The following METTL25B variants were observed in gnomAD, a reference collection of about 807,000 sequenced individuals.
METTL25B encodes methyltransferase like 25B.
In METTL25B, 38 loss-of-function variants were observed where a neutral mutation model predicts 48.4. The observed-to-expected ratio is 0.78, with a 90% confidence interval of 0.61 to 1.03. The LOEUF (loss-of-function observed/expected upper bound fraction) is 1.03. METTL25B is among the 50% of genes least tolerant of loss of function. The pLI is 0.00. For synonymous variants in METTL25B, 230 were observed against 254.5 expected (o/e 0.90, Z 0.92); for missense variants, 537 against 603.7 (o/e 0.89, Z 1.16).
Position 156,729,038 on chromosome 1 carries a change from C to T in METTL25B, c.-67C>T, listed in dbSNP as rs1444251901. ...GAGCCCCGTCCGGGTCCTGGACCCGCGTAGTACTGACCCTGGATCCCTGTT... is the reference window on the plus strand; with the variant it reads ...GAGCCCCGTCCGGGTCCTGGACCCGTGTAGTACTGACCCTGGATCCCTGTT... On this transcript the variant is annotated 5_prime_UTR_variant, in exon 1 of 8. Transcript: ENST00000368216. 9 of 903,446 alleles carry T rather than the reference C, an allele frequency of 1.0e-5. No homozygotes were observed. In the Admixed American group the frequency reaches 1.1e-4, roughly 11 times the overall value. The allele number at this position is 903,446 out of a possible 1,614,324, so 56.0% of individuals were successfully genotyped here. A position where few individuals can be genotyped will look rare whatever the true frequency, so the allele number is the denominator to read the frequency against.
At chr1:156,733,078 TGA>T in intron 4 of METTL25B, 31 bp downstream of exon 4, 2 of 1,605,162 alleles carry the variant, frequency 1.2e-6, no homozygotes, top group Non-Finnish European at 8.5e-7. Context: ...ACTGTTTTTT[TGA>T]GTCATGGGGA....
chr1:156,731,454 G>A (rs1649281367), intron 1 of METTL25B, among the ~76,000 whole-genome samples: 1 of 152,178 alleles, frequency 6.6e-6, no homozygotes, highest in African/African-American at 2.4e-5. Flanking sequence ...TGTAAACTCT[G>A]CAGGAGCCAG....
intron 7 of METTL25B, 47 bp from the exon 8 acceptor site, chr1:156,736,585 G>A (rs1401024520): frequency 4.3e-6 from 7 of 1,611,054 alleles, no homozygotes; most frequent in Non-Finnish European, 5.9e-6. Flanking sequence ...AAGAGGCTGA[G>A]TGAGTTTGGT....
At position 156,736,797 on chromosome 1, in the gene METTL25B, C is replaced by G; in HGVS notation, c.*44C>G. 1 of 1,584,960 alleles carries G rather than the reference C, an allele frequency of 6.3e-7. No homozygotes were observed. The stretch of plus-strand genomic sequence containing the variant: ...CTCAGACCCCATCATCTGAAAGTGC[C>G]CAGAGAGCACAGTGGCAGAGTACAT... On this transcript the variant is annotated 3_prime_UTR_variant, in exon 8 of 8. Transcript: ENST00000368216.
At chr1:156,732,898 TC>T (rs1430940233) in intron 3 of METTL25B, 86 bp from the exon 4 acceptor site, 1 of 1,147,360 alleles carries the variant, frequency 8.7e-7, no homozygotes, top group Non-Finnish European at 1.3e-6. Flanking sequence ...TTCTCTGTCA[TC>T]TTTGTCTCTT....
At chr1:156,732,899 C>A in intron 3 of METTL25B, 86 bp from the exon 4 acceptor site, 1 of 1,159,038 alleles carries the variant, frequency 8.6e-7, no homozygotes, top group South Asian at 1.3e-5. Context: ...TCTCTGTCAT[C>A]TTTGTCTCTT....
chr1:156,731,948 G>A, intron 1 of METTL25B, 43 bp from the exon 2 acceptor site: 1 of 1,611,970 alleles, frequency 6.2e-7, no homozygotes, highest in Non-Finnish European at 8.5e-7. Flanking sequence ...GAAAGAATGG[G>A]AGTGGTAGTA....
chr1:156,736,614 T>A lies in METTL25B; in HGVS notation c.1307-18T>A, dbSNP rs1649829606. Reference sequence around the variant, plus strand: ...GTTTGGTTCATTCTTCCCCTTATGATTAAGCCCTTTCTCCCAGGTTTCCAT... The same window carrying A: ...GTTTGGTTCATTCTTCCCCTTATGAATAAGCCCTTTCTCCCAGGTTTCCAT... On this transcript the variant is annotated intron_variant, in intron 7 of 7. Transcript: ENST00000368216. 6.2e-7 allele frequency: 1 copy of A among 1,613,556 alleles called. No homozygotes were observed. The highest frequency in any genetic ancestry group is 8.5e-7 in the Non-Finnish European group (1 of 1,179,838).
At chr1:156,735,631 C>A in intron 6 of METTL25B, 94 bp from the exon 7 acceptor site, 1 of 829,714 alleles carries the variant, frequency 1.2e-6, no homozygotes, top group Non-Finnish European at 1.6e-6. Context: ...GAAAATAAAG[C>A]AAAGTTGGAA....
At chr1:156,733,285 G>A (rs6679988) in intron 4 of METTL25B, 92 bp from the exon 5 acceptor site, 1 of 1,491,798 alleles carries the variant, frequency 6.7e-7, no homozygotes, top group Non-Finnish European at 9.1e-7. Context: ...CTTCTGTGGG[G>A]CCTGGGACCC....
chr1:156,734,276 G>A lies in METTL25B; in HGVS notation c.904G>A (p.Val302Met), dbSNP rs767199606. 6.2e-6 allele frequency: 10 copies of A among 1,614,076 alleles called. No homozygotes were observed. Among genetic ancestry groups the A allele is most frequent in the Non-Finnish European group, 8.5e-6 (10 of 1,180,032 alleles). The change falls in exon 6 of 8, where the codon GTG (valine) becomes ATG (methionine). Residue 302 changes from valine (V) to methionine (M), a missense_variant. Val to Met is a conservative substitution (Grantham distance 21). Coordinates refer to ENST00000368216, the MANE Select transcript of METTL25B (RefSeq NM_015997.4). ...DPGGYPLSQW[V>M]AGLPGYELPY... ...TGGCGGCTACCCACTGAGTCAGTGG[G>A]TGGCTGGGCTGCCTGGCTATGAACT...
chr1:156,733,160 T>G (rs1023276286), intron 4 of METTL25B, 113 bp downstream of exon 4: 1 of 1,203,982 alleles, frequency 8.3e-7, no homozygotes, highest in Non-Finnish European at 1.2e-6. Context: ...AGCGTGGAAT[T>G]TTTTTTTTCT....
chr1:156,736,925 T>A lies in METTL25B; in HGVS notation c.*172T>A. 1 of 626,742 alleles carries A rather than the reference T, an allele frequency of 1.6e-6. No homozygotes were observed. Among genetic ancestry groups the A allele is most frequent in the Non-Finnish European group, 2.6e-6 (1 of 379,784 alleles). 38.8% of individuals were successfully genotyped at this position (626,742 alleles called of 1,614,324 possible). A position where few individuals can be genotyped will look rare whatever the true frequency, so the allele number is the denominator to read the frequency against. The stretch of plus-strand genomic sequence containing the variant: ...GATTATGTAATACATTGTAAAGTTT[T>A]AATTAATTAAAAATTGGATATCTGT... On this transcript the variant is annotated 3_prime_UTR_variant, in exon 8 of 8. Coordinates refer to ENST00000368216, the MANE Select transcript of METTL25B (RefSeq NM_015997.4).
In METTL25B at chr1:156,728,834, T is replaced by A; in HGVS notation, c.-271T>A. 1 of 791,600 alleles carries A rather than the reference T, an allele frequency of 1.3e-6. No homozygotes were observed. Among genetic ancestry groups the A allele is most frequent in the Non-Finnish European group, 1.7e-6 (1 of 590,082 alleles). The allele number at this position is 791,600 out of a possible 1,614,324, so 49.0% of individuals were successfully genotyped here. A position where few individuals can be genotyped will look rare whatever the true frequency, so the allele number is the denominator to read the frequency against. On this transcript the variant is annotated 5_prime_UTR_variant, in exon 1 of 8. The change creates a premature stop within an existing upstream ORF in the 5' untranslated region. Transcript: ENST00000368216. ...AGCTGAGCTCAGCGGCACGCTTTTG[T>A]GGCGTCACTGCACTGTTACCCCGCC...
Position 156,735,872 on chromosome 1 carries a change from T to A in METTL25B, c.1269T>A (p.Leu423=), listed in dbSNP as rs1364624073. ...ALLLAPLVET[L]ILLDRLLYLQ... ...TGCTTGCCCCACTGGTGGAGACGCT[T>A]ATTCTACTGGACCGGCTGCTGTACC... Residue 423 remains leucine, a synonymous_variant, in exon 7 of 8, where the codon CTT becomes CTA. Transcript: ENST00000368216. The A allele has an allele frequency of 3.1e-6, 5 of 1,612,728 alleles. No individual in the cohort carries two copies. In the African/African-American group the frequency reaches 6.7e-5, roughly 22 times the overall value.
At chr1:156,733,757 G>A in intron 5 of METTL25B, 1 of 642,300 alleles carries the variant, frequency 1.6e-6, no homozygotes, top group Non-Finnish European at 2.6e-6. Flanking sequence ...CCTGTGAAGT[G>A]GCCAGTCAGG....
Position 156,728,639 on chromosome 1 carries a change from C to A in METTL25B, c.-466C>A. On this transcript the variant is annotated 5_prime_UTR_variant, in exon 1 of 8. Coordinates refer to ENST00000368216, the MANE Select transcript of METTL25B (RefSeq NM_015997.4). ...GGGGCGGCGTGGGTGGGGGCGGGGG[C>A]GGGATGCGCTCCCCGGCCCCTCTAG... The A allele has an allele frequency of 1.0e-6, 1 of 972,016 alleles. No homozygotes were observed. Among genetic ancestry groups the A allele is most frequent in the Non-Finnish European group, 1.2e-6 (1 of 817,552 alleles). 60.2% of individuals were successfully genotyped at this position (972,016 alleles called of 1,614,324 possible).
At chr1:156,729,391 CATAAATA>C in intron 1 of METTL25B, 176 bp downstream of exon 1, 1 of 448,798 alleles carries the variant, frequency 2.2e-6, no homozygotes, top group East Asian at 4.2e-5. Flanking sequence ...TTTCAGCTGA[CATAAATA>C]ATATTTCTTT....
At chr1:156,735,608 G>C in intron 6 of METTL25B, 117 bp from the exon 7 acceptor site, 1 of 283,254 alleles carries the variant, frequency 3.5e-6, no homozygotes, top group Admixed American at 6.3e-5. Flanking sequence ...TCATGAAAAC[G>C]CATATTGGGG....
Sources: allele counts gnomAD v4.1 joint callset (sites outside exome capture counted in the v4.1 genomes callset), GRCh38; gene constraint gnomAD v4.1.1; transcripts MANE v1.5; gene names NCBI Gene and HGNC (gene_info 2026-07-23, HGNC 2026-07-21).